The following OXCT1 variants were observed in gnomAD, a reference collection of about 807,000 sequenced individuals.
OXCT1 encodes succinyl-CoA:3-ketoacid coenzyme A transferase 1, mitochondrial.
A neutral mutation model predicts 69.6 loss-of-function variants in OXCT1; 27 were observed. The ratio of observed to expected loss-of-function variants is 0.39; its 90% CI spans 0.29 to 0.54. The LOEUF is 0.54. Ranked by LOEUF, OXCT1 falls within the 20% of genes least tolerant of loss-of-function variation. The pLI, the probability that OXCT1 is intolerant of heterozygous loss-of-function variation, is 0.72. For missense variants in OXCT1, 437 were observed against 650.2 expected (o/e 0.67, Z 3.57); for synonymous variants, 202 against 217.8 (o/e 0.93, Z 0.64).
intron 13 of OXCT1, among the ~76,000 whole-genome samples, chr5:41,765,986 A>G (rs545460289): frequency 6.6e-6 from 1 of 152,282 alleles, no homozygotes; most frequent in South Asian, 2.1e-4. Flanking sequence ...ACAGAGGGAA[A>G]GTGATACTTG....
chr5:41,845,581 C>G (rs566385956), intron 5 of OXCT1, among the ~76,000 whole-genome samples: 1 of 151,588 alleles, frequency 6.6e-6, no homozygotes, highest in Non-Finnish European at 1.5e-5. Context: ...AAAAAAAGTA[C>G]TAAGAATTAA....
At chr5:41,859,615 C>T (rs1251019736) in intron 3 of OXCT1, among the ~76,000 whole-genome samples, 1 of 151,926 alleles carries the variant, frequency 6.6e-6, no homozygotes, top group East Asian at 1.9e-4. Context: ...AAGTATACAT[C>T]CCAGGAATTG....
At chr5:41,786,695 G>T (rs1406337278) in intron 13 of OXCT1, among the ~76,000 whole-genome samples, 3 of 152,094 alleles carry the variant, frequency 2.0e-5, no homozygotes, top group Non-Finnish European at 4.4e-5. Context: ...AACAGAATAG[G>T]TTAAAGAGTA....
rs760088821 is a variant in OXCT1 at position 41,805,667 on chromosome 5, C to T, written c.855G>A (p.Arg285=). The change falls in exon 9 of 17, where the codon CGG becomes CGA. Residue 285 remains arginine, a synonymous_variant. Coordinates refer to ENST00000196371, the MANE Select transcript of OXCT1 (RefSeq NM_000436.4). ...YEKRIERLSI[R]KEGDGEAKSA... Reference sequence around the variant, plus strand: ...ATTTGGCTTCCCCATCTCCCTCTTTCCGGATTGATAAACGCTTTAAATTAA... The same window carrying T: ...ATTTGGCTTCCCCATCTCCCTCTTTTCGGATTGATAAACGCTTTAAATTAA... The T allele has an allele frequency of 2.5e-6, 4 of 1,606,914 alleles. No homozygotes were observed. In the East Asian group the frequency reaches 8.9e-5, roughly 36 times the overall value.
Position 41,803,741 on chromosome 5 carries a change from AAT to A in OXCT1, c.956-580_956-579del, listed in dbSNP as rs562988471. On this transcript the variant is annotated intron_variant, in intron 9 of 16. Transcript: ENST00000196371. ...GTGGGGAGGAAATTAAATTTCAGCA[AAT>A]ACAATTGAGCTCATCGATAAAGGAG... 4.0e-3 allele frequency among the ~76,000 whole-genome samples: 611 copies of A among 152,204 alleles called. 6 individuals are homozygous for A. Among genetic ancestry groups the A allele is most frequent in the African/African-American group, 0.014 (589 of 41,570 alleles).
chr5:41,773,918 A>G (rs558105829), intron 13 of OXCT1, among the ~76,000 whole-genome samples: 2 of 152,274 alleles, frequency 1.3e-5, no homozygotes, highest in Admixed American at 6.5e-5. Flanking sequence ...CTTCCATTTC[A>G]TTTTATAGGG....
At chr5:41,767,646 T>C (rs1200133865) in intron 13 of OXCT1, among the ~76,000 whole-genome samples, 6 of 148,010 alleles carry the variant, frequency 4.1e-5, no homozygotes, top group African/African-American at 7.5e-5. Context: ...ACGTCTCTAA[T>C]AGTTAATCAT....
At chr5:41,779,545 T>G (rs759905590) in intron 13 of OXCT1, among the ~76,000 whole-genome samples, 4 of 152,046 alleles carry the variant, frequency 2.6e-5, no homozygotes, top group Non-Finnish European at 4.4e-5. Flanking sequence ...AATTTGTTAG[T>G]AACAAAGCTA....
chr5:41,801,106 A>T, intron 10 of OXCT1, 36 bp from the exon 11 acceptor site: 1 of 1,466,738 alleles, frequency 6.8e-7, no homozygotes, highest in Non-Finnish European at 9.6e-7. Context: ...TAGTAAATGA[A>T]GATTCTCACT....
At chr5:41,735,504 G>T (rs1352355133) in intron 16 of OXCT1, among the ~76,000 whole-genome samples, 4 of 152,178 alleles carry the variant, frequency 2.6e-5, no homozygotes, top group African/African-American at 9.7e-5. Context: ...GAGATCTGTT[G>T]TATAACAATG....
chr5:41,736,091 C>A (rs577939636), intron 16 of OXCT1, among the ~76,000 whole-genome samples: 11 of 152,326 alleles, frequency 7.2e-5, no homozygotes, highest in Non-Finnish European at 1.6e-4. Context: ...CTGTTCAGCT[C>A]CTTTCTCTCA....
chr5:41,731,366 G>A lies in OXCT1; in HGVS notation c.*363C>T, dbSNP rs1742611928. On this transcript the variant is annotated 3_prime_UTR_variant, in exon 17 of 17. Coordinates refer to ENST00000196371, the MANE Select transcript of OXCT1 (RefSeq NM_000436.4). ...AATCACATATGTTATCTTTCTTTCA[G>A]GACTAATAATTAATATTTAAGAGGA... The A allele has an allele frequency of 1.9e-6, 2 of 1,037,678 alleles. No homozygotes were observed. Among genetic ancestry groups the A allele is most frequent in the East Asian group, 8.2e-5 (1 of 12,242 alleles). The allele number at this position is 1,037,678 out of a possible 1,614,324, so 64.3% of individuals were successfully genotyped here. A position where few individuals can be genotyped will look rare whatever the true frequency, so the allele number is the denominator to read the frequency against.
intron 13 of OXCT1, among the ~76,000 whole-genome samples, chr5:41,764,347 T>C (rs1384901856): frequency 2.0e-5 from 3 of 152,166 alleles, no homozygotes. Context: ...TATGAGATGA[T>C]GTATGCAAAC....
chr5:41,776,614 C>T (rs1203912846), intron 13 of OXCT1, among the ~76,000 whole-genome samples: 1 of 152,180 alleles, frequency 6.6e-6, no homozygotes, highest in Admixed American at 6.5e-5. Flanking sequence ...TGAATCTGTG[C>T]TTTGTTCAAC....
At chr5:41,826,633 CA>C (rs34743357) in intron 7 of OXCT1, among the ~76,000 whole-genome samples, 35,704 of 148,670 alleles carry the variant, frequency 0.24, 4,385 homozygotes, top group Middle Eastern at 0.34. Flanking sequence ...ATATTCTGTT[CA>C]AAAAAAAAAT....
At chr5:41,735,992 G>A (rs1394057927) in intron 16 of OXCT1, among the ~76,000 whole-genome samples, 4 of 152,116 alleles carry the variant, frequency 2.6e-5, no homozygotes, top group Non-Finnish European at 5.9e-5. Context: ...TGTATCTGTG[G>A]GGTTCACAAC....
intron 7 of OXCT1, among the ~76,000 whole-genome samples, chr5:41,808,903 T>C (rs1746819256): frequency 6.6e-6 from 1 of 152,090 alleles, no homozygotes; most frequent in Non-Finnish European, 1.5e-5. Flanking sequence ...AATGTGTTTA[T>C]ACATTAATCC....
chr5:41,827,545 T>C (rs145823173), intron 7 of OXCT1, among the ~76,000 whole-genome samples: 88 of 152,228 alleles, frequency 5.8e-4, no homozygotes, highest in African/African-American at 2.1e-3. Context: ...ACTGCGGAAA[T>C]GGTGCTCAAG....
chr5:41,827,023 G>T (rs985355206), intron 7 of OXCT1, among the ~76,000 whole-genome samples: 1 of 151,968 alleles, frequency 6.6e-6, no homozygotes, highest in African/African-American at 2.4e-5. Flanking sequence ...CCAACATACC[G>T]TATCTCTTAA....
Sources: gnomAD v4.1 joint callset for allele counts (sites outside exome capture counted in the v4.1 genomes callset) on GRCh38, gnomAD v4.1.1 for gene constraint, MANE v1.5 for transcripts, NCBI Gene and HGNC (gene_info 2026-07-23, HGNC 2026-07-21) for gene names.